The following PRORP variants were observed in gnomAD, a reference collection of about 807,000 sequenced individuals.
PRORP encodes protein only RNase P catalytic subunit.
Under a neutral mutation model 59.4 loss-of-function variants are expected in PRORP, and 51 were observed. That is an observed-to-expected ratio of 0.86 (90% CI 0.69 to 1.08). PRORP has a LOEUF of 1.08. Among genes scored for constraint, PRORP ranks in the 50% least tolerant of loss-of-function variants. PRORP has a pLI of 0.00. For synonymous variants in PRORP, 231 were observed against 245.6 expected, an observed-to-expected ratio of 0.94 and a Z score of 0.55; for missense variants, 646 against 690.3, an observed-to-expected ratio of 0.94 and a Z score of 0.72.
At chr14:35,176,752 G>A (rs889578566) in intron 4 of PRORP, among the ~76,000 whole-genome samples, 1 of 152,018 alleles carries the variant, frequency 6.6e-6, no homozygotes, top group Non-Finnish European at 1.5e-5. Context: ...CTGCCTGATT[G>A]TCCTGGCCAG....
At chr14:35,230,050 CTTTTT>C (rs35309046) in intron 5 of PRORP, among the ~76,000 whole-genome samples, 5 of 109,128 alleles carry the variant, frequency 4.6e-5, no homozygotes, top group East Asian at 2.9e-4. Context: ...ACTGTAAATT[CTTTTT>C]TTTTTTTTTT....
In PRORP at chr14:35,176,946, C is replaced by T. The variant is rs192149581; in HGVS notation, c.1168-3724C>T. ...TACCTAATTTATTGAGAGTTTTTAGCGTGAAGGGCTGTTGAATTTTGTCAA... is the reference window on the plus strand; with the variant it reads ...TACCTAATTTATTGAGAGTTTTTAGTGTGAAGGGCTGTTGAATTTTGTCAA... On this transcript the variant is annotated intron_variant, in intron 4 of 7. Coordinates refer to ENST00000534898, the MANE Select transcript of PRORP (RefSeq NM_014672.4). Among the ~76,000 whole-genome samples the T allele has an allele frequency of 2.7e-3, 405 of 152,196 alleles. 3 individuals are homozygous for T. The highest frequency in any genetic ancestry group is 9.5e-3 in the African/African-American group (393 of 41,526).
chr14:35,152,099 C>T (rs1237196307), intron 4 of PRORP, among the ~76,000 whole-genome samples: 1 of 152,086 alleles, frequency 6.6e-6, no homozygotes, highest in Non-Finnish European at 1.5e-5. Context: ...GTGTCTGTGT[C>T]CCTGGGTACT....
chr14:35,191,998 C>T (rs1448182085), intron 5 of PRORP, among the ~76,000 whole-genome samples: 1 of 152,204 alleles, frequency 6.6e-6, no homozygotes, highest in African/African-American at 2.4e-5. Context: ...AACATCATCT[C>T]TCACCAAAAC....
chr14:35,270,636 A>C, intron 7 of PRORP, 40 bp downstream of exon 7: 1 of 1,533,892 alleles, frequency 6.5e-7, no homozygotes, highest in Non-Finnish European at 9.0e-7. Flanking sequence ...AACAGAGTCA[A>C]GTATACAGTA....
At chr14:35,176,345 T>A (rs1385593585) in intron 4 of PRORP, among the ~76,000 whole-genome samples, 1 of 152,214 alleles carries the variant, frequency 6.6e-6, no homozygotes, top group African/African-American at 2.4e-5. Context: ...ATGGCCATTT[T>A]CACAATACTG....
intron 5 of PRORP, among the ~76,000 whole-genome samples, chr14:35,212,954 G>A (rs1025402429): frequency 5.3e-5 from 8 of 152,118 alleles, no homozygotes; most frequent in African/African-American, 1.7e-4. Flanking sequence ...CTAGGTCTTC[G>A]GAATAACTCA....
intron 5 of PRORP, among the ~76,000 whole-genome samples, chr14:35,233,775 G>T (rs1282063321): frequency 6.6e-6 from 1 of 151,830 alleles, no homozygotes; most frequent in African/African-American, 2.4e-5. Flanking sequence ...ATCACAGCAT[G>T]TGTTTTTCCT....
At chr14:35,131,318 T>C (rs942154226) in intron 4 of PRORP, among the ~76,000 whole-genome samples, 1 of 152,150 alleles carries the variant, frequency 6.6e-6, no homozygotes, top group African/African-American at 2.4e-5. Context: ...ATCTCTCAGC[T>C]TTTGTTTGTC....
intron 5 of PRORP, among the ~76,000 whole-genome samples, chr14:35,225,376 T>C (rs1487759421): frequency 6.6e-6 from 1 of 152,080 alleles, no homozygotes; most frequent in Non-Finnish European, 1.5e-5. Context: ...GATGGAGTTT[T>C]GCTCTTGTCG....
In PRORP at chr14:35,272,058, C is replaced by T. The variant is rs1344575941; in HGVS notation, c.1621-1377C>T. Among the ~76,000 whole-genome samples the T allele has an allele frequency of 4.0e-5, 6 of 149,132 alleles. No homozygotes were observed. In the East Asian group the frequency reaches 5.9e-4, roughly 15 times the overall value. ...ACAAAAAAAAACAACAAAAAAAAAA[C>T]GGAGATGTTGGTCAAAGGAGAAAAA... On this transcript the variant is annotated intron_variant, in intron 7 of 7. Coordinates refer to ENST00000534898, the MANE Select transcript of PRORP (RefSeq NM_014672.4).
At chr14:35,133,959 A>C (rs1231895838) in intron 4 of PRORP, among the ~76,000 whole-genome samples, 1 of 152,176 alleles carries the variant, frequency 6.6e-6, no homozygotes, top group African/African-American at 2.4e-5. Flanking sequence ...ATCTTGCCCA[A>C]AGCCTGCTTA....
chr14:35,217,368 G>A (rs971018769), intron 5 of PRORP, among the ~76,000 whole-genome samples: 3 of 151,922 alleles, frequency 2.0e-5, no homozygotes, highest in African/African-American at 4.8e-5. Flanking sequence ...TGGCGTGGTG[G>A]CAGGCACCTG....
At chr14:35,128,858 C>T (rs1375477121) in intron 4 of PRORP, among the ~76,000 whole-genome samples, 1 of 151,878 alleles carries the variant, frequency 6.6e-6, no homozygotes, top group Non-Finnish European at 1.5e-5. Flanking sequence ...ATTATTTAGT[C>T]TCTCCATTTT....
At chr14:35,131,348 C>G (rs1311201856) in intron 4 of PRORP, among the ~76,000 whole-genome samples, 1 of 152,182 alleles carries the variant, frequency 6.6e-6, no homozygotes, top group African/African-American at 2.4e-5. Flanking sequence ...CTTTATTTCT[C>G]CTTCATGTCT....
rs1178856754 is a variant in PRORP at position 35,256,326 on chromosome 14, CTTTTTTTTTTTTT to C, written c.1276-10390_1276-10378del. Among the ~76,000 whole-genome samples, 62 of 82,814 alleles carry C rather than the reference CTTTTTTTTTTTTT, an allele frequency of 7.5e-4. 2 individuals are homozygous for C. The highest frequency in any genetic ancestry group is 3.3e-3 in the African/African-American group (61 of 18,370). The allele number at this position is 82,814 out of a possible 152,430, so 54.3% of individuals were successfully genotyped here. ...AAAAGAAAAAAGAAATTGTGCGTATCTTTTTTTTTTTTTTTTTTTTTTTAAGACAGAGTCTTGC... is the reference window on the plus strand; with the variant it reads ...AAAAGAAAAAAGAAATTGTGCGTATCTTTTTTTTTTAAGACAGAGTCTTGC... On this transcript the variant is annotated intron_variant, in intron 5 of 7. Coordinates refer to ENST00000534898, the MANE Select transcript of PRORP (RefSeq NM_014672.4).
chr14:35,188,391 A>G (rs1435039501), intron 5 of PRORP, among the ~76,000 whole-genome samples: 2 of 150,986 alleles, frequency 1.3e-5, no homozygotes, highest in Admixed American at 6.6e-5. Context: ...GGGTTTCACC[A>G]TGTTGGTCAG....
intron 5 of PRORP, chr14:35,262,856 T>C: frequency 6.5e-7 from 1 of 1,532,130 alleles, no homozygotes; most frequent in East Asian, 2.2e-5. Context: ...CAGGTGTTGC[T>C]TGTTCAGTAT....
At chr14:35,214,948 A>G (rs1022611867) in intron 5 of PRORP, among the ~76,000 whole-genome samples, 1 of 152,174 alleles carries the variant, frequency 6.6e-6, no homozygotes, top group African/African-American at 2.4e-5. Context: ...CCTTTTGAGT[A>G]TAGGCCTTCA....
Sources: gnomAD v4.1 joint callset for allele counts (sites outside exome capture counted in the v4.1 genomes callset) on GRCh38, gnomAD v4.1.1 for gene constraint, MANE v1.5 for transcripts, NCBI Gene and HGNC (gene_info 2026-07-23, HGNC 2026-07-21) for gene names.